The following GATA2 variants were observed in gnomAD, a reference collection of about 807,000 sequenced individuals.
GATA2 encodes the protein endothelial transcription factor GATA-2.
A neutral mutation model predicts 35.7 loss-of-function variants in GATA2; 6 were observed. The observed-to-expected ratio is 0.17, with a 90% CI of 0.09 to 0.33. The LOEUF (loss-of-function observed/expected upper bound fraction) is 0.33. Among genes scored for constraint, GATA2 ranks in the 10% least tolerant of loss-of-function variants. The pLI is 1.00. For synonymous variants in GATA2, 313 were observed against 274.9 expected (o/e 1.14, Z -1.37); for missense variants, 541 against 656.6 (o/e 0.82, Z 1.92).
chr3:128,483,161 GA>G (rs1255750954), intron 4 of GATA2, among the ~76,000 whole-genome samples: 1 of 152,214 alleles, frequency 6.6e-6, no homozygotes, highest in South Asian at 2.1e-4. Flanking sequence ...ACTTCGCCCT[GA>G]AAAAATATAT....
In GATA2 at chr3:128,485,916, G is replaced by T. The variant is rs375298899; in HGVS notation, c.682C>A (p.Pro228Thr). 1.2e-6 allele frequency: 2 copies of T among 1,614,050 alleles called. No homozygotes were observed. The highest frequency in any genetic ancestry group is 1.7e-6 in the Non-Finnish European group (2 of 1,180,022). ...ATAGTAGCTAGGCCTGGGCGCAGGG[G>T]ACTGCCACTTTCCATCTTCATGCTC... Reference protein sequence around the residue: ...TESMKMESGSPLRPGLATMGT... With the variant: ...TESMKMESGSTLRPGLATMGT... The change falls in exon 3 of 6, where the codon CCC becomes ACC. Residue 228 changes from proline (P) to threonine (T), a missense_variant. By Grantham distance (38) the Pro-to-Thr change is conservative. Coordinates refer to ENST00000341105, the MANE Select transcript of GATA2 (RefSeq NM_032638.5).
chr3:128,481,675 G>A (rs1217078771), intron 5 of GATA2, 144 bp downstream of exon 5: 5 of 988,108 alleles, frequency 5.1e-6, no homozygotes, highest in Middle Eastern at 3.2e-4. Context: ...CCCCTCTTAC[G>A]GGAAGCCCTT....
rs866323045 is a variant in GATA2 at position 128,485,800 on chromosome 3, G to T, written c.798C>A (p.His266Gln). 3 of 1,614,048 alleles carry T rather than the reference G, an allele frequency of 1.9e-6. No individual in the cohort carries two copies. Among genetic ancestry groups the T allele is most frequent in the Non-Finnish European group, 1.7e-6 (2 of 1,179,952 alleles). Residue 266 changes from histidine to glutamine, a missense_variant, in exon 3 of 6, where the codon CAC becomes CAA. Physicochemically the swap from His to Gln is conservative, Grantham distance 24. This residue lies in a region of GATA2 where 389 missense variants were observed against 396.9 expected (regional missense o/e 0.98). Transcript: ENST00000341105. The stretch of plus-strand genomic sequence containing the variant: ...CCGGTCCCCCCAGGAAGCCTCCGGG[G>T]TGGAAGAGTCCGCTGCTGTAGTCGT... ...AAHDYSSGLF[H>Q]PGGFLGGPAS... is the part of the protein sequence containing the mutation.
At position 128,481,801 on chromosome 3, in the gene GATA2, G is replaced by A. The variant is rs373994017; in HGVS notation, c.1143+18C>T. ...GTCCCCTGGGAGGGGCGGGGTGGCC[G>A]GGGCGGGGCGCACTCACATTGTGCA... is the stretch of plus-strand genomic sequence containing the variant. On this transcript the variant is annotated intron_variant, in intron 5 of 5. Coordinates refer to ENST00000341105, the MANE Select transcript of GATA2 (RefSeq NM_032638.5). 38 of 1,608,534 alleles carry A rather than the reference G, an allele frequency of 2.4e-5. No individual in the cohort carries two copies. The highest frequency in any genetic ancestry group is 8.0e-5 in the African/African-American group (6 of 74,864).
At chr3:128,484,952 C>CTG (rs1259360351) in intron 3 of GATA2, among the ~76,000 whole-genome samples, 1 of 152,242 alleles carries the variant, frequency 6.6e-6, no homozygotes, top group East Asian at 1.9e-4. Context: ...CCTTCCCCCT[C>CTG]TGTGGCTCAA....
intron 1 of GATA2, among the ~76,000 whole-genome samples, chr3:128,492,529 C>T (rs1338627587): frequency 6.6e-6 from 1 of 152,162 alleles, no homozygotes; most frequent in Non-Finnish European, 1.5e-5. Context: ...AGCCGCCGCT[C>T]GGCGGCCCGG....
intron 4 of GATA2, among the ~76,000 whole-genome samples, chr3:128,483,237 C>T (rs1316169584): frequency 1.3e-5 from 2 of 152,142 alleles, no homozygotes; most frequent in Non-Finnish European, 2.9e-5. Flanking sequence ...TCAAAACAGC[C>T]CAGCGAGAGG....
At chr3:128,482,688 C>T (rs77307721) in intron 4 of GATA2, among the ~76,000 whole-genome samples, 4,838 of 152,216 alleles carry the variant, frequency 0.032, 125 homozygotes, top group South Asian at 0.062. Flanking sequence ...TTAACCACCC[C>T]GCAGCCCCTC....
intron 4 of GATA2, among the ~76,000 whole-genome samples, chr3:128,483,639 G>T (rs1452566136): frequency 2.0e-5 from 3 of 152,162 alleles, no homozygotes; most frequent in Non-Finnish European, 4.4e-5. Context: ...GTGGGGTGGC[G>T]CAAGGGTGCC....
At position 128,493,051 on chromosome 3, in the gene GATA2, ATGGTGTTCAGCGGACCGCTTTTGTCCGCC is replaced by A. The variant is rs1192204788; in HGVS notation, c.-227_-199del. The A allele has an allele frequency of 6.6e-6, 1 of 152,560 alleles. No homozygotes were observed. Among genetic ancestry groups the A allele is most frequent in the Non-Finnish European group, 1.5e-5 (1 of 68,354 alleles). 9.5% of individuals were successfully genotyped at this position (152,560 alleles called of 1,614,324 possible). A position where few individuals can be genotyped will look rare whatever the true frequency, so the allele number is the denominator to read the frequency against. On this transcript the variant is annotated 5_prime_UTR_variant, in exon 1 of 6. In the 5' UTR this introduces an upstream ATG that the reference lacks. Coordinates refer to ENST00000341105, the MANE Select transcript of GATA2 (RefSeq NM_032638.5). ...CCTGGGCGGCACGCCGAGCGGCCGC[ATGGTGTTCAGCGGACCGCTTTTGTCCGCC>A]TGGTGGGCGACGGGGCCCTGCTAGG...
At chr3:128,486,436 C>T in intron 2 of GATA2, 68 bp from the exon 3 acceptor site, 1 of 1,546,486 alleles carries the variant, frequency 6.5e-7, no homozygotes, top group South Asian at 1.2e-5. Context: ...AGGGACGCCC[C>T]TGACAGACAT....
Position 128,486,933 on chromosome 3 carries a change from G to A in GATA2, c.99C>T (p.Tyr33=). 1.9e-6 allele frequency: 3 copies of A among 1,613,052 alleles called. No individual in the cohort carries two copies. The highest frequency in any genetic ancestry group is 1.7e-6 in the Non-Finnish European group (2 of 1,179,636). The stretch of plus-strand genomic sequence containing the variant: ...GAGGCAGCAGCTGCGCGGGTTCCAT[G>A]TAGTTGTGCGCCAGGCCCGGGTGGT... ...DSHHPGLAHN[Y]MEPAQLLPPD... The change falls in exon 2 of 6, where the codon TAC becomes TAT. Residue 33 remains tyrosine (Y), a synonymous_variant. Transcript: ENST00000341105.
intron 3 of GATA2, among the ~76,000 whole-genome samples, chr3:128,484,456 T>C (rs2068669618): frequency 6.6e-6 from 1 of 152,136 alleles, no homozygotes; most frequent in African/African-American, 2.4e-5. Flanking sequence ...CCCAACTGTG[T>C]CTGCCCCACC....
intron 3 of GATA2, among the ~76,000 whole-genome samples, chr3:128,485,088 C>G (rs1253345662): frequency 6.6e-6 from 1 of 152,106 alleles, no homozygotes; most frequent in East Asian, 1.9e-4. Flanking sequence ...GGAAAAGGGG[C>G]GGGGGCACTG....
chr3:128,486,754 G>C (rs759358236), intron 2 of GATA2, 49 bp downstream of exon 2: 3 of 1,518,790 alleles, frequency 2.0e-6, no homozygotes, highest in Non-Finnish European at 2.7e-6. Flanking sequence ...CCCCTCCCTC[G>C]CCTGGCGCGC....
At chr3:128,486,634 G>A (rs1301209968) in intron 2 of GATA2, among the ~76,000 whole-genome samples, 169 bp downstream of exon 2, 1 of 152,152 alleles carries the variant, frequency 6.6e-6, no homozygotes, top group African/African-American at 2.4e-5. Context: ...AACCCTGTGG[G>A]TCCCAGACCC....
rs1573858 is a variant in GATA2 at position 128,487,017 on chromosome 3, G to C, written c.15C>G (p.Pro5=). MEVA[P]EQPRWMAHPA... is the part of the protein sequence containing the mutation. The stretch of plus-strand genomic sequence containing the variant: ...GGTGCGCCATCCAGCGCGGCTGCTC[G>C]GGCGCCACCTCCATGGCCGGCGGCG... The change falls in exon 2 of 6, where the codon CCC becomes CCG. Residue 5 remains proline, a synonymous_variant. Coordinates refer to ENST00000341105, the MANE Select transcript of GATA2 (RefSeq NM_032638.5). The C allele has an allele frequency of 0.64, 1,014,894 of 1,589,600 alleles. 326,671 individuals carry two copies. The highest frequency in any genetic ancestry group is 0.79 in the African/African-American group (58,867 of 74,608).
chr3:128,488,489 G>A lies in GATA2; in HGVS notation c.-45-1413C>T, dbSNP rs2068735795. 6.6e-6 allele frequency: 1 copy of A among 152,448 alleles called. No individual in the cohort carries two copies. Among genetic ancestry groups the A allele is most frequent in the African/African-American group, 2.4e-5 (1 of 41,458 alleles). The allele number at this position is 152,448 out of a possible 1,614,324, so 9.4% of individuals were successfully genotyped here. On this transcript the variant is annotated intron_variant, in intron 1 of 5. Transcript: ENST00000341105. This position sits in a 1 kb window ranked among gnomAD's most constrained non-coding sequence, Gnocchi z 5.8. ...ACTACAGGGCTCTAGAGGGCACCTG[G>A]GCCTCGGACACGCGGCCGCTCAGGG...
At chr3:128,492,346 G>A (rs2068786412) in intron 1 of GATA2, 1 of 152,256 alleles carries the variant, frequency 6.6e-6, no homozygotes, top group Admixed American at 6.5e-5. Context: ...CCCACTAAAC[G>A]GATTCCGACT....
Sources: allele counts gnomAD v4.1 joint callset (sites outside exome capture counted in the v4.1 genomes callset), GRCh38; gene constraint gnomAD v4.1.1; regional missense constraint gnomAD v4.1.1; non-coding constraint Gnocchi (gnomAD v3.1); transcripts MANE v1.5; gene names NCBI Gene and HGNC (gene_info 2026-07-23, HGNC 2026-07-21).